GPR39: variants seen among roughly 807,000 people sequenced by gnomAD.
GPR39 encodes the protein zinc sensing receptor.
In GPR39, 23 loss-of-function variants were observed where a neutral mutation model predicts 18.4. The ratio of observed to expected loss-of-function variants is 1.25; its 90% confidence interval spans 0.90 to 1.77. The LOEUF is 1.77. GPR39 is among the 40% of genes most tolerant of loss of function. GPR39 has a pLI of 0.00. For synonymous variants in GPR39, 280 were observed against 257.9 expected, an observed-to-expected ratio of 1.09 and a Z score of -0.82; for missense variants, 647 against 602.4, an observed-to-expected ratio of 1.07 and a Z score of -0.78.
At chr2:132,497,420 G>C (rs979019311) in intron 1 of GPR39, among the ~76,000 whole-genome samples, 6 of 152,126 alleles carry the variant, frequency 3.9e-5, no homozygotes, top group Non-Finnish European at 8.8e-5. Flanking sequence ...AAAGGAAAAG[G>C]TATGGGTAAC....
chr2:132,609,498 G>A (rs977692454), intron 1 of GPR39, among the ~76,000 whole-genome samples: 1 of 152,194 alleles, frequency 6.6e-6, no homozygotes, highest in African/African-American at 2.4e-5. Flanking sequence ...CTGGGGTTGA[G>A]TTGAACTCCT....
At chr2:132,534,182 A>G (rs1479809936) in intron 1 of GPR39, among the ~76,000 whole-genome samples, 1 of 152,226 alleles carries the variant, frequency 6.6e-6, no homozygotes, top group Admixed American at 6.5e-5. Context: ...GGCGAAGGAT[A>G]TGAACAGACA....
intron 1 of GPR39, among the ~76,000 whole-genome samples, chr2:132,642,186 T>TG (rs1410155957): frequency 1.3e-5 from 2 of 152,228 alleles, no homozygotes; most frequent in Admixed American, 1.3e-4. Context: ...GTGCACAATA[T>TG]GAAAATCTCT....
intron 1 of GPR39, among the ~76,000 whole-genome samples, chr2:132,561,577 TAC>T (rs55653432): frequency 0.079 from 11,684 of 147,838 alleles, 499 homozygotes; most frequent in African/African-American, 0.11. Context: ...AATATGAGTG[TAC>T]ACACACACAC....
At chr2:132,456,665 T>G (rs7600537) in intron 1 of GPR39, among the ~76,000 whole-genome samples, 76,250 of 152,074 alleles carry the variant, frequency 0.5, 20,896 homozygotes, top group Non-Finnish European at 0.62. Context: ...CTCTTGTAAG[T>G]CAGGCCTTGT....
At chr2:132,556,898 T>A (rs1680161703) in intron 1 of GPR39, among the ~76,000 whole-genome samples, 1 of 152,206 alleles carries the variant, frequency 6.6e-6, no homozygotes, top group Non-Finnish European at 1.5e-5. Context: ...CTGAAATCCA[T>A]TCTTTGAGCT....
chr2:132,500,094 C>A (rs1245063560), intron 1 of GPR39, among the ~76,000 whole-genome samples: 1 of 152,120 alleles, frequency 6.6e-6, no homozygotes, highest in Non-Finnish European at 1.5e-5. Flanking sequence ...TGTCTGATTG[C>A]TCTGGCTAGG....
chr2:132,480,608 C>G (rs1681215474), intron 1 of GPR39, among the ~76,000 whole-genome samples: 1 of 152,060 alleles, frequency 6.6e-6, no homozygotes, highest in Admixed American at 6.6e-5. Context: ...GGATTTGGCA[C>G]CTGCAGGAAA....
chr2:132,562,319 T>C (rs1427605605), intron 1 of GPR39, among the ~76,000 whole-genome samples: 2 of 152,238 alleles, frequency 1.3e-5, no homozygotes, highest in African/African-American at 4.8e-5. Context: ...AAGCTTTCAA[T>C]GACTTTCCAT....
intron 1 of GPR39, among the ~76,000 whole-genome samples, chr2:132,572,942 A>T (rs1680466281): frequency 6.6e-6 from 1 of 152,212 alleles, no homozygotes; most frequent in African/African-American, 2.4e-5. Context: ...AGTCAGGAAG[A>T]GTGGGTTCCC....
At chr2:132,630,845 A>G (rs1487848228) in intron 1 of GPR39, among the ~76,000 whole-genome samples, 1 of 152,152 alleles carries the variant, frequency 6.6e-6, no homozygotes, top group Non-Finnish European at 1.5e-5. Context: ...AATGCATGGC[A>G]TTGGAGGTTA....
At chr2:132,632,113 CGGT>C (rs1553461302) in intron 1 of GPR39, among the ~76,000 whole-genome samples, 1 of 152,076 alleles carries the variant, frequency 6.6e-6, no homozygotes, top group Non-Finnish European at 1.5e-5. Context: ...TCACTGGACC[CGGT>C]CAAATGAATT....
At chr2:132,499,344 G>C (rs1681709388) in intron 1 of GPR39, among the ~76,000 whole-genome samples, 1 of 152,050 alleles carries the variant, frequency 6.6e-6, no homozygotes, top group African/African-American at 2.4e-5. Context: ...GTTTCTGTTT[G>C]CTTTGCCAAA....
At chr2:132,613,182 T>C (rs1250766815) in intron 1 of GPR39, among the ~76,000 whole-genome samples, 3 of 152,240 alleles carry the variant, frequency 2.0e-5, no homozygotes, top group African/African-American at 7.2e-5. Flanking sequence ...AACGTGTGAC[T>C]AATGAGGGTT....
At chr2:132,593,570 A>G (rs540166079) in intron 1 of GPR39, among the ~76,000 whole-genome samples, 2 of 152,188 alleles carry the variant, frequency 1.3e-5, no homozygotes, top group East Asian at 1.9e-4. Flanking sequence ...TTTACTACAC[A>G]TAGGATAACT....
At chr2:132,550,293 T>A (rs1680019470) in intron 1 of GPR39, among the ~76,000 whole-genome samples, 1 of 152,136 alleles carries the variant, frequency 6.6e-6, no homozygotes. Context: ...AGGATGAATA[T>A]AAGGAGGCGT....
At chr2:132,479,490 C>G (rs138058482) in intron 1 of GPR39, among the ~76,000 whole-genome samples, 1 of 152,160 alleles carries the variant, frequency 6.6e-6, no homozygotes, top group East Asian at 1.9e-4. Context: ...TGAGACAGTA[C>G]GAAATAAAAT....
intron 1 of GPR39, among the ~76,000 whole-genome samples, chr2:132,456,970 C>T (rs1040340983): frequency 1.2e-4 from 19 of 152,124 alleles, no homozygotes; most frequent in Non-Finnish European, 5.9e-5. Flanking sequence ...GGGTGGCTCT[C>T]CTCGAGGAGT....
intron 1 of GPR39, among the ~76,000 whole-genome samples, chr2:132,479,719 A>G (rs1204297736): frequency 6.6e-6 from 1 of 152,236 alleles, no homozygotes; most frequent in Non-Finnish European, 1.5e-5. Context: ...TGGAGAGCAT[A>G]TGGAGAAATT....
Sources: gnomAD v4.1 joint callset for allele counts (sites outside exome capture counted in the v4.1 genomes callset) on GRCh38, gnomAD v4.1.1 for gene constraint, MANE v1.5 for transcripts, NCBI Gene and HGNC (gene_info 2026-07-23, HGNC 2026-07-21) for gene names.